Variants in SSR2 observed in about 807,000 individuals in gnomAD.
SSR2 encodes the protein signal sequence receptor subunit 2, also known as translocon-associated protein subunit beta.
A neutral mutation model predicts 22.6 loss-of-function variants in SSR2; 16 were observed. The ratio of observed to expected loss-of-function variants is 0.71; its 90% confidence interval spans 0.48 to 1.08. SSR2 has a LOEUF of 1.08. Ranked by LOEUF, SSR2 falls within the 50% of genes least tolerant of loss-of-function variation. The pLI is 0.00. For synonymous variants in SSR2, 83 were observed against 91.2 expected (o/e 0.91, Z 0.51); for missense variants, 171 against 221.6 (o/e 0.77, Z 1.45).
At chr1:156,014,915 G>A (rs1558077130) in intron 4 of SSR2, 46 bp downstream of exon 4, 9 of 1,481,058 alleles carry the variant, frequency 6.1e-6, no homozygotes, top group South Asian at 1.1e-5. Context: ...GATTTTAAGG[G>A]AAGGCAGATC....
chr1:156,015,432 G>C (rs566940747), intron 3 of SSR2, among the ~76,000 whole-genome samples: 1 of 141,158 alleles, frequency 7.1e-6, no homozygotes, highest in African/African-American at 2.6e-5. Context: ...GCTTGAACCC[G>C]GGAGGCGGAG....
At chr1:156,012,412 T>C (rs1682990035) in intron 4 of SSR2, 4 of 399,216 alleles carry the variant, frequency 1.0e-5, no homozygotes, top group Non-Finnish European at 2.0e-5. Flanking sequence ...GAGGAGGGGT[T>C]GAGTCTGGTC....
At chr1:156,010,379 TA>T (rs1338948543) in intron 5 of SSR2, 2 of 152,124 alleles carry the variant, frequency 1.3e-5, no homozygotes, top group South Asian at 2.1e-4. Flanking sequence ...ATTTTTATTT[TA>T]TTTTTTTAGA....
Position 156,009,359 on chromosome 1 carries a change from G to A in SSR2, c.*181C>T, listed in dbSNP as rs1165783877. 2.3e-5 allele frequency: 13 copies of A among 575,662 alleles called. No homozygotes were observed. In the South Asian group the frequency reaches 2.3e-4, roughly 10 times the overall value. The allele number at this position is 575,662 out of a possible 1,614,324, so 35.7% of individuals were successfully genotyped here. A position where few individuals can be genotyped will look rare whatever the true frequency, so the allele number is the denominator to read the frequency against. ...TCACGATGGAACCAAGGAGGCTCTC[G>A]CAGACTCCTAGGGCTGGTCCTTCAC... is the stretch of plus-strand genomic sequence containing the variant. On this transcript the variant is annotated 3_prime_UTR_variant, in exon 6 of 6. Transcript: ENST00000295702.
At chr1:156,018,424 A>G (rs567903673) in intron 2 of SSR2, 56 bp from the exon 3 acceptor site, 2 of 1,472,470 alleles carry the variant, frequency 1.4e-6, no homozygotes, top group East Asian at 4.7e-5. Flanking sequence ...AAATTAAAGC[A>G]GGCCGGGCGC....
rs750929574 is a variant in SSR2 at position 156,009,409 on chromosome 1, C to G, written c.*131G>C. The G allele has an allele frequency of 7.1e-5, 52 of 736,938 alleles. No homozygotes were observed. Among genetic ancestry groups the G allele is most frequent in the Non-Finnish European group, 1.2e-4 (50 of 422,300 alleles). The allele number at this position is 736,938 out of a possible 1,614,324, so 45.6% of individuals were successfully genotyped here. A position where few individuals can be genotyped will look rare whatever the true frequency, so the allele number is the denominator to read the frequency against. ...CTATGGCTGAGAGCAGGGCAGGATC[C>G]AGGAGAAAGTGGCCAAGGGCTAAGA... On this transcript the variant is annotated 3_prime_UTR_variant, in exon 6 of 6. Transcript: ENST00000295702.
At chr1:156,010,474 A>G (rs1461149698) in intron 5 of SSR2, 5 of 152,140 alleles carry the variant, frequency 3.3e-5, no homozygotes, top group Admixed American at 3.3e-4. Flanking sequence ...GGCTCAAGCG[A>G]TCCTCCAGCA....
chr1:156,020,097 A>G lies in SSR2; in HGVS notation c.71T>C (p.Leu24Ser). 1 of 1,614,164 alleles carries G rather than the reference A, an allele frequency of 6.2e-7. No individual in the cohort carries two copies. Among genetic ancestry groups the G allele is most frequent in the Non-Finnish European group, 8.5e-7 (1 of 1,180,002 alleles). ...VTQAEEGARL[L>S]ASKSLLNRYA... The stretch of plus-strand genomic sequence containing the variant: ...TCTGTTCAGCAGTGATTTGGAAGCC[A>G]AAAGCCTGGCTCCTTCCTCTGCTTG... The change falls in exon 2 of 6, where the codon TTG (leucine) becomes TCG (serine). Residue 24 changes from leucine to serine, a missense_variant. Leu to Ser is a moderately radical substitution (Grantham distance 145). Transcript: ENST00000295702.
chr1:156,016,703 A>G (rs1390625066), intron 3 of SSR2, among the ~76,000 whole-genome samples: 2 of 152,186 alleles, frequency 1.3e-5, no homozygotes, highest in Non-Finnish European at 2.9e-5. Flanking sequence ...CCCTGCCCAA[A>G]TCTCATGTGG....
intron 4 of SSR2, chr1:156,014,094 A>G (rs1683018544): frequency 6.6e-6 from 1 of 152,106 alleles, no homozygotes; most frequent in Non-Finnish European, 1.5e-5. Flanking sequence ...TACAATCTAT[A>G]CTTTTTAGAT....
At position 156,009,542 on chromosome 1, in the gene SSR2, A is replaced by G; in HGVS notation, c.550T>C (p.Ter184ArgextTer30). The G allele has an allele frequency of 6.2e-7, 1 of 1,610,078 alleles. No individual in the cohort carries two copies. Residue 184 changes from the stop codon to arginine, a stop_lost, in exon 6 of 6, where the codon TGA becomes CGA. Coordinates refer to ENST00000295702, the MANE Select transcript of SSR2 (RefSeq NM_003145.4). ...GAGGAGGGCTGTGGAAGCCCCAATCAGTTCTTCTTCGTTTTGGGAGTGTCA... is the reference window on the plus strand; with the variant it reads ...GAGGAGGGCTGTGGAAGCCCCAATCGGTTCTTCTTCGTTTTGGGAGTGTCA... ...KYDTPKTKKN[*>R] is the part of the protein sequence containing the mutation.
In SSR2 at chr1:156,009,540, T is replaced by C. The variant is rs202022784; in HGVS notation, c.552A>G (p.Ter184TrpextTer30). Reference protein sequence around the residue: ...KYDTPKTKKN* With the variant: ...KYDTPKTKKNW ...GAGAGGAGGGCTGTGGAAGCCCCAATCAGTTCTTCTTCGTTTTGGGAGTGT... is the reference window on the plus strand; with the variant it reads ...GAGAGGAGGGCTGTGGAAGCCCCAACCAGTTCTTCTTCGTTTTGGGAGTGT... The change falls in exon 6 of 6, where the codon TGA (stop) becomes TGG (tryptophan). Residue 184 changes from the stop codon to tryptophan, a stop_lost. Transcript: ENST00000295702. The C allele has an allele frequency of 6.2e-7, 1 of 1,609,522 alleles. No homozygotes were observed. Among genetic ancestry groups the C allele is most frequent in the Non-Finnish European group, 8.5e-7 (1 of 1,176,528 alleles).
chr1:156,015,191 T>C lies in SSR2; in HGVS notation c.255-122A>G, dbSNP rs1683032822. The C allele has an allele frequency of 3.0e-5, 22 of 727,280 alleles. 1 individual carries two copies. In the South Asian group the frequency reaches 3.5e-4, roughly 12 times the overall value. The allele number at this position is 727,280 out of a possible 1,614,324, so 45.1% of individuals were successfully genotyped here. ...ATACATGCTGATCTCATGCCGGCAATATTCTGCAGGAATGAAAAAATATAG... is the reference window on the plus strand; with the variant it reads ...ATACATGCTGATCTCATGCCGGCAACATTCTGCAGGAATGAAAAAATATAG... On this transcript the variant is annotated intron_variant, in intron 3 of 5. Coordinates refer to ENST00000295702, the MANE Select transcript of SSR2 (RefSeq NM_003145.4).
chr1:156,014,847 G>A (rs1400072951), intron 4 of SSR2, 114 bp downstream of exon 4: 21 of 861,584 alleles, frequency 2.4e-5, no homozygotes, highest in Middle Eastern at 2.4e-4. Context: ...AGTCCTAACT[G>A]TATTTTGGTA....
chr1:156,020,195 T>G (rs781153769), intron 1 of SSR2, 28 bp from the exon 2 acceptor site: 1 of 1,611,702 alleles, frequency 6.2e-7, no homozygotes, highest in Non-Finnish European at 8.5e-7. Context: ...AAGTGAGTTA[T>G]CAAACCAAGT....
chr1:156,019,604 C>T (rs534403974), intron 2 of SSR2, among the ~76,000 whole-genome samples: 2 of 152,240 alleles, frequency 1.3e-5, no homozygotes, highest in East Asian at 1.9e-4. Flanking sequence ...AGGCTGGTCT[C>T]GATCTCCTGA....
Position 156,012,263 on chromosome 1 carries a change from G to A in SSR2, c.364-376C>T, listed in dbSNP as rs554617553. ...GGTCCCTCTACAGGGCAAGGTGTGC[G>A]TGGAATGACTTACCCTTGGTAATCA... On this transcript the variant is annotated intron_variant, in intron 4 of 5. Coordinates refer to ENST00000295702, the MANE Select transcript of SSR2 (RefSeq NM_003145.4). 3.9e-4 allele frequency: 118 copies of A among 302,798 alleles called. 1 individual carries two copies. Among genetic ancestry groups the A allele is most frequent in the South Asian group, 3.2e-3 (103 of 31,836 alleles). 18.8% of individuals were successfully genotyped at this position (302,798 alleles called of 1,614,324 possible). A position where few individuals can be genotyped will look rare whatever the true frequency, so the allele number is the denominator to read the frequency against.
rs1195885002 is a variant in SSR2, at chr1:156,015,595, TA to T, written c.255-527del. Reference sequence around the variant, plus strand: ...AAAATTTACTGATTTTTTTAAATATTAAAAAAAAAAGAGAGAGAGATGGGGT... The same window carrying T: ...AAAATTTACTGATTTTTTTAAATATTAAAAAAAAAGAGAGAGAGATGGGGT... On this transcript the variant is annotated intron_variant, in intron 3 of 5. Coordinates refer to ENST00000295702, the MANE Select transcript of SSR2 (RefSeq NM_003145.4). Among the ~76,000 whole-genome samples, 66 of 125,690 alleles carry T rather than the reference TA, an allele frequency of 5.3e-4. No individual in the cohort carries two copies. In the East Asian group the frequency reaches 0.01, roughly 20 times the overall value. 82.5% of individuals were successfully genotyped at this position (125,690 alleles called of 152,430 possible).
At position 156,018,293 on chromosome 1, in the gene SSR2, A is replaced by G. The variant is rs766357739; in HGVS notation, c.231T>C (p.Asn77=). The change falls in exon 3 of 6, where the codon AAT becomes AAC. Residue 77 remains asparagine (N), a synonymous_variant. Coordinates refer to ENST00000295702, the MANE Select transcript of SSR2 (RefSeq NM_003145.4). ...ACGGGGCAATCCGGTCCCATTTGAC[A>G]TTGAGCATTCCAGACACAATGCCAA... ...EDFGIVSGML[N]VKWDRIAPAS... 54 of 1,613,924 alleles carry G rather than the reference A, an allele frequency of 3.3e-5. No homozygotes were observed. Among genetic ancestry groups the G allele is most frequent in the East Asian group, 4.5e-5 (2 of 44,882 alleles).
Sources: gnomAD v4.1 joint callset for allele counts (sites outside exome capture counted in the v4.1 genomes callset) on GRCh38, gnomAD v4.1.1 for gene constraint, MANE v1.5 for transcripts, NCBI Gene and HGNC (gene_info 2026-07-23, HGNC 2026-07-21) for gene names.